The following NTAQ1 variants were observed in gnomAD, a reference collection of about 807,000 sequenced individuals.
NTAQ1 encodes the protein N-terminal glutamine amidase 1.
NTAQ1 carries 21 observed loss-of-function variants against 28.2 expected under a neutral mutation model. That is an observed-to-expected ratio of 0.74 (90% CI 0.53 to 1.07). The LOEUF (loss-of-function observed/expected upper bound fraction) is 1.07. NTAQ1 is among the 50% of genes least tolerant of loss of function. NTAQ1 has a pLI of 0.00. For synonymous variants in NTAQ1, 105 were observed against 90.0 expected (o/e 1.17, Z -0.94); for missense variants, 264 against 256.6 (o/e 1.03, Z -0.20).
At chr8:123,429,580 C>T (rs1586938132) in intron 2 of NTAQ1, among the ~76,000 whole-genome samples, 1 of 152,024 alleles carries the variant, frequency 6.6e-6, no homozygotes, top group Non-Finnish European at 1.5e-5. Flanking sequence ...AAGATCCTGT[C>T]TTGGCCAGGT....
At chr8:123,440,244 C>G (rs1280452590) in intron 5 of NTAQ1, among the ~76,000 whole-genome samples, 1 of 140,262 alleles carries the variant, frequency 7.1e-6, no homozygotes, top group African/African-American at 2.7e-5. Flanking sequence ...CAACCTCTGC[C>G]TCCTGGATTC....
At chr8:123,417,221 A>T (rs1033602248) in intron 1 of NTAQ1, among the ~76,000 whole-genome samples, 2 of 152,198 alleles carry the variant, frequency 1.3e-5, no homozygotes, top group African/African-American at 4.8e-5. Flanking sequence ...CTTCGGGGCC[A>T]GGAAGGGTGG....
chr8:123,472,678 AT>A (rs1329305973), downstream of NTAQ1, among the ~76,000 whole-genome samples: 1 of 152,204 alleles, frequency 6.6e-6, no homozygotes, highest in Non-Finnish European at 1.5e-5. Flanking sequence ...GCATGACTTT[AT>A]TTTAAGTTAA....
chr8:123,416,815 T>G lies in NTAQ1; in HGVS notation c.-35T>G. 1 of 1,516,710 alleles carries G rather than the reference T, an allele frequency of 6.6e-7. No homozygotes were observed. Among genetic ancestry groups the G allele is most frequent in the Non-Finnish European group, 8.8e-7 (1 of 1,132,860 alleles). 94.0% of individuals were successfully genotyped at this position (1,516,710 alleles called of 1,614,324 possible). A position where few individuals can be genotyped will look rare whatever the true frequency, so the allele number is the denominator to read the frequency against. ...TTCCTACGTCTGGTCCAGTCGGTCTTCCTCCGGCCCGGGCCCTGGCCCAGC... is the reference window on the plus strand; with the variant it reads ...TTCCTACGTCTGGTCCAGTCGGTCTGCCTCCGGCCCGGGCCCTGGCCCAGC... On this transcript the variant is annotated 5_prime_UTR_variant, in exon 1 of 6. Transcript: ENST00000287387.
intron 1 of NTAQ1, among the ~76,000 whole-genome samples, chr8:123,423,134 T>C (rs757320117): frequency 1.3e-5 from 2 of 152,118 alleles, no homozygotes; most frequent in Non-Finnish European, 2.9e-5. Context: ...GTTTGGGCTC[T>C]TTTTTGGTGC....
At chr8:123,468,248 A>C in exon 7 of NTAQ1, among the ~76,000 whole-genome samples, 1 of 152,372 alleles carries the variant, frequency 6.6e-6, no homozygotes, top group Middle Eastern at 3.4e-3. Context: ...AAAATATAAC[A>C]TAAAACTCAC....
At chr8:123,416,726 C>A, upstream of NTAQ1, 1 of 941,734 alleles carries the variant, frequency 1.1e-6, no homozygotes, top group Non-Finnish European at 1.5e-6. Context: ...TGCCCCGGCC[C>A]TCTCCCCCCG....
In NTAQ1 at chr8:123,421,512, C is replaced by CTTT. The variant is rs71310677; in HGVS notation, c.83+4592_83+4594dup. Among the ~76,000 whole-genome samples the CTTT allele has an allele frequency of 7.1e-4, 95 of 133,900 alleles. 7 individuals are homozygous for CTTT. Among genetic ancestry groups the CTTT allele is most frequent in the African/African-American group, 1.2e-3 (42 of 36,200 alleles). The allele number at this position is 133,900 out of a possible 152,430, so 87.8% of individuals were successfully genotyped here. A position where few individuals can be genotyped will look rare whatever the true frequency, so the allele number is the denominator to read the frequency against. On this transcript the variant is annotated intron_variant, in intron 1 of 5. Coordinates refer to ENST00000287387, the MANE Select transcript of NTAQ1 (RefSeq NM_018024.3). ...TTGGCCATGTGCATGTCTCTTTTTC[C>CTTT]TTTTTTTTTTTTTTGAGATGGAGTC...
At chr8:123,472,747 ATGCATT>A (rs1251280339), downstream of NTAQ1, among the ~76,000 whole-genome samples, 1 of 152,224 alleles carries the variant, frequency 6.6e-6, no homozygotes, top group African/African-American at 2.4e-5. Context: ...CTGGATAGAC[ATGCATT>A]TTGAGGGAGA....
chr8:123,453,935 T>C (rs978224553), intron 6 of NTAQ1, among the ~76,000 whole-genome samples: 1 of 152,168 alleles, frequency 6.6e-6, no homozygotes, highest in African/African-American at 2.4e-5. Flanking sequence ...TGCCATCCAA[T>C]TCCCAGTTCA....
chr8:123,454,118 A>G (rs1815581195), intron 6 of NTAQ1, among the ~76,000 whole-genome samples: 1 of 152,202 alleles, frequency 6.6e-6, no homozygotes, highest in African/African-American at 2.4e-5. Context: ...AATAAACTTT[A>G]TCAATAAATG....
At chr8:123,437,153 G>T in intron 4 of NTAQ1, 57 bp from the exon 5 acceptor site, 1 of 1,598,222 alleles carries the variant, frequency 6.3e-7, no homozygotes, top group Non-Finnish European at 8.5e-7. Flanking sequence ...TAAAAATGGA[G>T]TTAGAATTTC....
chr8:123,451,857 A>G (rs1815506094), downstream of NTAQ1, among the ~76,000 whole-genome samples: 1 of 152,224 alleles, frequency 6.6e-6, no homozygotes, highest in Non-Finnish European at 1.5e-5. Context: ...AACTGCTGCT[A>G]AAGTCTTGTG....
At chr8:123,456,327 T>C (rs922262433) in intron 6 of NTAQ1, among the ~76,000 whole-genome samples, 5 of 152,216 alleles carry the variant, frequency 3.3e-5, no homozygotes, top group African/African-American at 9.6e-5. Flanking sequence ...GCTCTGTCGC[T>C]CAGGCTGGTG....
intron 6 of NTAQ1, among the ~76,000 whole-genome samples, chr8:123,461,195 C>A (rs1475659874): frequency 1.3e-5 from 2 of 152,154 alleles, no homozygotes; most frequent in Non-Finnish European, 2.9e-5. Flanking sequence ...AGCTTTCTTG[C>A]TCCTTGGAGG....
chr8:123,442,689 G>A (rs956572345), downstream of NTAQ1, among the ~76,000 whole-genome samples: 20 of 151,582 alleles, frequency 1.3e-4, no homozygotes, highest in South Asian at 2.7e-3. Context: ...TTCATTTAGA[G>A]ACAGAGTCTT....
At position 123,459,157 on chromosome 8, in the gene NTAQ1, A is replaced by T. The variant is rs563197870; in HGVS notation, c.373-7922A>T. Among the ~76,000 whole-genome samples the T allele has an allele frequency of 2.0e-5, 3 of 151,782 alleles. No individual in the cohort carries two copies. In the East Asian group the frequency reaches 5.9e-4, roughly 30 times the overall value. On this transcript the variant is annotated intron_variant, in intron 6 of 6. Transcript: ENST00000650311. ...TCTCAGCTACTCAGGAGGTGGGAGGATCTGTTTGAGCCCAGGACGTCGAGG... is the reference window on the plus strand; with the variant it reads ...TCTCAGCTACTCAGGAGGTGGGAGGTTCTGTTTGAGCCCAGGACGTCGAGG...
At chr8:123,426,140 G>A (rs1814040228) in intron 1 of NTAQ1, among the ~76,000 whole-genome samples, 1 of 152,204 alleles carries the variant, frequency 6.6e-6, no homozygotes, top group Non-Finnish European at 1.5e-5. Flanking sequence ...GAAAAAGATA[G>A]GAACCCAACA....
chr8:123,429,206 CA>C (rs1814250301), intron 2 of NTAQ1, among the ~76,000 whole-genome samples: 1 of 152,112 alleles, frequency 6.6e-6, no homozygotes, highest in African/African-American at 2.4e-5. Flanking sequence ...AATGGGAGAG[CA>C]AGATTTGATA....
Sources: gnomAD v4.1 joint callset for allele counts (sites outside exome capture counted in the v4.1 genomes callset) on GRCh38, gnomAD v4.1.1 for gene constraint, MANE v1.5 for transcripts, NCBI Gene and HGNC (gene_info 2026-07-23, HGNC 2026-07-21) for gene names.